Variants in FGF14 observed in about 807,000 individuals in gnomAD.
The protein encoded by FGF14 is fibroblast growth factor 14.
FGF14 carries 5 observed loss-of-function variants against 25.5 expected under a neutral mutation model. That is an observed-to-expected ratio of 0.20 (90% CI 0.10 to 0.41). The LOEUF is 0.41. FGF14 is among the 10% of genes least tolerant of loss of function. The pLI, the probability that FGF14 is intolerant of heterozygous loss-of-function variation, is 1.00. For missense variants in FGF14, 222 were observed against 320.1 expected (o/e 0.69, Z 2.34); for synonymous variants, 138 against 118.3 (o/e 1.17, Z -1.08).
At chr13:101,726,510 C>T (rs944554033) in intron 4 of FGF14, 102 bp downstream of exon 4, 7 of 1,107,612 alleles carry the variant, frequency 6.3e-6, no homozygotes, top group Non-Finnish European at 8.1e-6. Context: ...ATGACATTTC[C>T]AGCACTTTGT....
chr13:101,975,285 C>T (rs2037851952), intron 1 of FGF14, among the ~76,000 whole-genome samples: 1 of 152,134 alleles, frequency 6.6e-6, no homozygotes, highest in South Asian at 2.1e-4. Flanking sequence ...CAGGGCTGTC[C>T]TCCAGTGGGA....
intron 1 of FGF14, among the ~76,000 whole-genome samples, chr13:102,240,663 A>G (rs2051551933): frequency 6.6e-6 from 1 of 152,190 alleles, no homozygotes; most frequent in Non-Finnish European, 1.5e-5. Context: ...ACAGGAGAGG[A>G]AAGATAAATA....
At chr13:101,900,684 G>A (rs914985478) in intron 1 of FGF14, among the ~76,000 whole-genome samples, 3 of 152,094 alleles carry the variant, frequency 2.0e-5, no homozygotes, top group Non-Finnish European at 2.9e-5. Flanking sequence ...TCATTGATTG[G>A]AAAAGCACAT....
chr13:102,067,832 A>T (rs2042968236), intron 1 of FGF14, among the ~76,000 whole-genome samples: 2 of 152,232 alleles, frequency 1.3e-5, no homozygotes, highest in South Asian at 4.2e-4. Flanking sequence ...AACAGATTTA[A>T]CCCAAATAAG....
intron 1 of FGF14, among the ~76,000 whole-genome samples, chr13:102,342,644 G>C (rs2056986499): frequency 6.6e-6 from 1 of 152,082 alleles, no homozygotes; most frequent in Non-Finnish European, 1.5e-5. Context: ...ATCAAGATCA[G>C]TGATAGCTCA....
At chr13:101,878,074 A>G (rs1291783852) in intron 1 of FGF14, among the ~76,000 whole-genome samples, 3 of 152,116 alleles carry the variant, frequency 2.0e-5, no homozygotes, top group Admixed American at 2.0e-4. Flanking sequence ...TATGCACCTT[A>G]CCGCAGTAAG....
intron 1 of FGF14, among the ~76,000 whole-genome samples, chr13:102,323,558 C>T (rs1391789344): frequency 6.6e-6 from 1 of 152,130 alleles, no homozygotes; most frequent in African/African-American, 2.4e-5. Flanking sequence ...GAAATCATAT[C>T]ATTTGTGTAG....
rs904170531 is a variant in FGF14, at chr13:101,722,298, T to C, written c.*533A>G. On this transcript the variant is annotated 3_prime_UTR_variant, in exon 5 of 5. Coordinates refer to ENST00000376143, the MANE Select transcript of FGF14 (RefSeq NM_004115.4). ...TCTCCGACCTAAGCCAACTGCAACA[T>C]TTAAGATTTAGAGGAACAAAATCCC... The C allele has an allele frequency of 2.8e-5, 5 of 179,454 alleles. No individual in the cohort carries two copies. The highest frequency in any genetic ancestry group is 4.7e-5 in the Non-Finnish European group (4 of 84,518). The allele number at this position is 179,454 out of a possible 1,614,324, so 11.1% of individuals were successfully genotyped here. A position where few individuals can be genotyped will look rare whatever the true frequency, so the allele number is the denominator to read the frequency against.
intron 1 of FGF14, among the ~76,000 whole-genome samples, chr13:102,226,773 GC>G (rs894978134): frequency 1.3e-5 from 2 of 152,088 alleles, no homozygotes; most frequent in Non-Finnish European, 2.9e-5. Flanking sequence ...GCCCACTTAA[GC>G]CAAATCTTTA....
intron 1 of FGF14, among the ~76,000 whole-genome samples, chr13:102,260,524 C>G (rs1025703745): frequency 1.3e-5 from 2 of 152,222 alleles, no homozygotes; most frequent in Non-Finnish European, 2.9e-5. Context: ...TTTTGATTTC[C>G]TCTGCAAACC....
At chr13:101,942,667 T>C (rs1334661139) in intron 1 of FGF14, among the ~76,000 whole-genome samples, 1 of 152,176 alleles carries the variant, frequency 6.6e-6, no homozygotes, top group Non-Finnish European at 1.5e-5. Flanking sequence ...TCTGGGCAGA[T>C]TATCATTTTA....
chr13:101,780,315 G>T (rs1156320097), intron 3 of FGF14, among the ~76,000 whole-genome samples: 1 of 152,148 alleles, frequency 6.6e-6, no homozygotes, highest in East Asian at 1.9e-4. Context: ...ATCTTTTGAA[G>T]GTAGTTGTGG....
chr13:102,138,107 T>A (rs1359298792), intron 1 of FGF14, among the ~76,000 whole-genome samples: 2 of 150,596 alleles, frequency 1.3e-5, no homozygotes, highest in Non-Finnish European at 3.0e-5. Context: ...TCGGGACTCA[T>A]CCTTTTCATT....
chr13:102,264,158 GC>G (rs1265950331), intron 1 of FGF14, among the ~76,000 whole-genome samples: 2 of 151,998 alleles, frequency 1.3e-5, no homozygotes, highest in African/African-American at 4.8e-5. Context: ...TCTGTCATTT[GC>G]CAGTTTTGAG....
At chr13:102,376,031 GCGTGGCTGGGCC>G (rs2058033084) in intron 1 of FGF14, among the ~76,000 whole-genome samples, 1 of 152,130 alleles carries the variant, frequency 6.6e-6, no homozygotes, top group African/African-American at 2.4e-5. Context: ...CAATAAAAAT[GCGTGGCTGGGCC>G]TATTATTTCA....
intron 1 of FGF14, among the ~76,000 whole-genome samples, chr13:102,331,448 T>A (rs1046542132): frequency 4.6e-5 from 7 of 152,192 alleles, no homozygotes; most frequent in African/African-American, 1.7e-4. Context: ...TTATTGTACA[T>A]TCACACTGTA....
At chr13:102,157,772 T>C (rs1303132716) in intron 1 of FGF14, among the ~76,000 whole-genome samples, 1 of 152,190 alleles carries the variant, frequency 6.6e-6, no homozygotes, top group Admixed American at 6.5e-5. Context: ...AATCTACTCA[T>C]CTGACAAAGG....
At chr13:102,359,508 C>T (rs1026077289) in intron 1 of FGF14, among the ~76,000 whole-genome samples, 1 of 152,134 alleles carries the variant, frequency 6.6e-6, no homozygotes, top group African/African-American at 2.4e-5. Flanking sequence ...CTAGTTTTCA[C>T]TTTTGCATTT....
At chr13:101,903,489 T>G (rs1471468449) in intron 1 of FGF14, among the ~76,000 whole-genome samples, 2 of 152,148 alleles carry the variant, frequency 1.3e-5, no homozygotes, top group African/African-American at 2.4e-5. Context: ...AGAATCGAGT[T>G]CTATAAATAC....
Sources: allele counts gnomAD v4.1 joint callset (sites outside exome capture counted in the v4.1 genomes callset), GRCh38; gene constraint gnomAD v4.1.1; transcripts MANE v1.5; gene names NCBI Gene and HGNC (gene_info 2026-07-23, HGNC 2026-07-21).